The following CRPPA variants were observed in gnomAD, a reference collection of about 807,000 sequenced individuals.
The protein encoded by CRPPA is CDP-L-ribitol pyrophosphorylase A, also known as D-ribitol-5-phosphate cytidylyltransferase.
In CRPPA, 43 loss-of-function variants were observed where a neutral mutation model predicts 52.0. The observed-to-expected ratio is 0.83, with a 90% CI of 0.65 to 1.07. The LOEUF is 1.07. Ranked by LOEUF, CRPPA falls within the 50% of genes least tolerant of loss-of-function variation. The pLI is 0.00. For missense variants in CRPPA, 629 were observed against 551.7 expected, an observed-to-expected ratio of 1.14 and a Z score of -1.40; for synonymous variants, 250 against 203.5, an observed-to-expected ratio of 1.23 and a Z score of -1.94.
intron 5 of CRPPA, among the ~76,000 whole-genome samples, chr7:16,288,873 CCAAAAACAAAAAA>C (rs1338646363): frequency 8.1e-6 from 1 of 122,878 alleles, no homozygotes; most frequent in Non-Finnish European, 1.8e-5. Context: ...AAAAAAATCC[CCAAAAACAAAAAA>C]CAAAAACAAA....
At chr7:16,285,196 A>T (rs946929280) in intron 5 of CRPPA, among the ~76,000 whole-genome samples, 1 of 152,172 alleles carries the variant, frequency 6.6e-6, no homozygotes, top group African/African-American at 2.4e-5. Context: ...TCAGAGGTTG[A>T]AGTAAAAATA....
intron 1 of CRPPA, among the ~76,000 whole-genome samples, chr7:16,416,708 G>A (rs1788204113): frequency 6.6e-6 from 1 of 152,002 alleles, no homozygotes; most frequent in South Asian, 2.1e-4. Flanking sequence ...TGGGCATGGT[G>A]GCACGTGACT....
chr7:16,331,360 G>A (rs532085069), intron 3 of CRPPA, among the ~76,000 whole-genome samples: 6 of 152,206 alleles, frequency 3.9e-5, no homozygotes, highest in Admixed American at 3.3e-4. Flanking sequence ...TAGGACTATG[G>A]AATGCTTTCC....
chr7:16,181,459 T>C (rs950128388), intron 9 of CRPPA, among the ~76,000 whole-genome samples: 4 of 151,994 alleles, frequency 2.6e-5, no homozygotes. Flanking sequence ...GGTCAAATTA[T>C]TGAATTTTGT....
chr7:16,150,411 G>T (rs933899229), intron 9 of CRPPA, among the ~76,000 whole-genome samples: 6 of 152,132 alleles, frequency 3.9e-5, no homozygotes, highest in Non-Finnish European at 8.8e-5. Flanking sequence ...ATGTTAAAGG[G>T]ATGCTGGGGA....
rs1781737507 is a variant in CRPPA at position 16,088,270 on chromosome 7, GCATTTT to G, written c.*3419_*3424del. 1 of 152,136 alleles carries G rather than the reference GCATTTT, an allele frequency of 6.6e-6. No homozygotes were observed. The highest frequency in any genetic ancestry group is 1.5e-5 in the Non-Finnish European group (1 of 68,020). 9.4% of individuals were successfully genotyped at this position (152,136 alleles called of 1,614,324 possible). ...GCAACAAAATTTCCCACAAGTGGAA[GCATTTT>G]CAGAAACCTTGAAGCATAATCACTA... is the stretch of plus-strand genomic sequence containing the variant. On this transcript the variant is annotated 3_prime_UTR_variant, in exon 10 of 10. Coordinates refer to ENST00000407010, the MANE Select transcript of CRPPA (RefSeq NM_001101426.4).
chr7:16,172,705 T>A (rs1781215252), intron 9 of CRPPA, among the ~76,000 whole-genome samples: 1 of 152,228 alleles, frequency 6.6e-6, no homozygotes, highest in African/African-American at 2.4e-5. Context: ...AGAATAGGCA[T>A]GTAGGTAATT....
Position 16,318,935 on chromosome 7 carries a change from A to G in CRPPA, c.685-10308T>C, listed in dbSNP as rs140371937. Among the ~76,000 whole-genome samples, 1,422 of 152,280 alleles carry G rather than the reference A, an allele frequency of 9.3e-3. 24 individuals carry two copies. Among genetic ancestry groups the G allele is most frequent in the African/African-American group, 0.033 (1,370 of 41,552 alleles). ...CTTTCATTCTGTATCTCTAAATTAC[A>G]TTCTTGTGATGCTGTCTCTCGACTT... On this transcript the variant is annotated intron_variant, in intron 3 of 9. Transcript: ENST00000407010.
intron 9 of CRPPA, among the ~76,000 whole-genome samples, chr7:16,106,802 T>G (rs1026858358): frequency 6.6e-6 from 1 of 152,132 alleles, no homozygotes; most frequent in Non-Finnish European, 1.5e-5. Context: ...CAAAGGAATG[T>G]ACATTTATGA....
intron 8 of CRPPA, among the ~76,000 whole-genome samples, chr7:16,221,879 T>C (rs1010031734): frequency 1.3e-5 from 2 of 151,234 alleles, no homozygotes; most frequent in African/African-American, 4.9e-5. Context: ...ATTGTGGAAG[T>C]CAGTGTGGCG....
chr7:16,213,012 C>G (rs1216900644), intron 9 of CRPPA, among the ~76,000 whole-genome samples: 3 of 152,162 alleles, frequency 2.0e-5, no homozygotes, highest in Admixed American at 6.5e-5. Flanking sequence ...AAAATTTTTA[C>G]TGTCACAGAA....
chr7:16,361,384 C>T (rs144014957), intron 3 of CRPPA, among the ~76,000 whole-genome samples: 141 of 152,202 alleles, frequency 9.3e-4, no homozygotes, highest in Non-Finnish European at 1.7e-3. Flanking sequence ...AACTGAAAGC[C>T]GAGACTCCAA....
chr7:16,298,975 T>C (rs1477074383), intron 5 of CRPPA, among the ~76,000 whole-genome samples: 1 of 152,226 alleles, frequency 6.6e-6, no homozygotes, highest in East Asian at 1.9e-4. Flanking sequence ...CTGGCTTTCC[T>C]GGGCCTCCAG....
intron 6 of CRPPA, among the ~76,000 whole-genome samples, chr7:16,275,574 T>G (rs754340052): frequency 1.6e-4 from 24 of 152,084 alleles, no homozygotes; most frequent in Non-Finnish European, 2.6e-4. Context: ...CATGCCTGTA[T>G]TTCCGCCCTT....
intron 2 of CRPPA, among the ~76,000 whole-genome samples, chr7:16,393,063 G>C (rs11973206): frequency 0.23 from 35,359 of 151,996 alleles, 7,180 homozygotes; most frequent in African/African-American, 0.55. Context: ...GACAGATTAG[G>C]AAGCCAACAA....
intron 9 of CRPPA, among the ~76,000 whole-genome samples, chr7:16,179,202 T>C (rs745450069): frequency 1.1e-4 from 17 of 152,142 alleles, no homozygotes; most frequent in African/African-American, 3.9e-4. Flanking sequence ...AACTCTAGCA[T>C]TGAATTTCTT....
intron 3 of CRPPA, among the ~76,000 whole-genome samples, chr7:16,345,620 T>C (rs755888758): frequency 6.6e-6 from 1 of 152,146 alleles, no homozygotes; most frequent in Non-Finnish European, 1.5e-5. Flanking sequence ...GAATCTTATA[T>C]TGTTTAATGA....
At chr7:16,218,207 G>A (rs1782386340) in intron 8 of CRPPA, among the ~76,000 whole-genome samples, 1 of 146,764 alleles carries the variant, frequency 6.8e-6, no homozygotes, top group South Asian at 2.3e-4. Context: ...CATAAGTGAA[G>A]GAGAAATAAA....
At chr7:16,199,194 A>G (rs1036801791) in intron 9 of CRPPA, among the ~76,000 whole-genome samples, 8 of 152,042 alleles carry the variant, frequency 5.3e-5, no homozygotes, top group South Asian at 2.1e-4. Flanking sequence ...GTACATTACA[A>G]TCACCTGGGG....
Sources: gnomAD v4.1 joint callset for allele counts (sites outside exome capture counted in the v4.1 genomes callset) on GRCh38, gnomAD v4.1.1 for gene constraint, MANE v1.5 for transcripts, NCBI Gene and HGNC (gene_info 2026-07-23, HGNC 2026-07-21) for gene names.